Variants in LRTM3 observed in about 807,000 individuals in gnomAD.
LRTM3 encodes the protein leucine-rich repeat transmembrane protein 3.
At chr13:102,731,889 T>A in the LRTM3 span, 4 of 1,549,252 alleles carry the variant, frequency 2.6e-6, no homozygotes, top group East Asian at 4.9e-5. Flanking sequence ...CGTTTTAGAA[T>A]CTTTTCTTCC....
the LRTM3 span, chr13:102,729,396 G>T: frequency 7.6e-7 from 1 of 1,309,704 alleles, no homozygotes; most frequent in Non-Finnish European, 9.9e-7. Context: ...ATTTTTCACA[G>T]AATATCACAA....
At chr13:102,729,603 T>A in the LRTM3 span, 1 of 1,539,134 alleles carries the variant, frequency 6.5e-7, no homozygotes, top group Non-Finnish European at 8.8e-7. Flanking sequence ...GTCCAGCGAA[T>A]GGTTTTGGGT....
the LRTM3 span, chr13:102,731,179 ACT>A: frequency 6.4e-7 from 1 of 1,551,400 alleles, no homozygotes; most frequent in South Asian, 1.2e-5. Flanking sequence ...TTGTCTCCTC[ACT>A]GTCACTTGAA....
chr13:102,733,746 G>A, the LRTM3 span: 1 of 1,551,350 alleles, frequency 6.4e-7, no homozygotes, highest in Non-Finnish European at 8.7e-7. Flanking sequence ...AAAACTAACT[G>A]ATTCAAATCT....
At chr13:102,755,929 G>A in the LRTM3 span, among the ~76,000 whole-genome samples, 53,458 of 88,928 alleles carry the variant, frequency 0.6, 12,785 homozygotes, top group Non-Finnish European at 0.66. Context: ...GTGTGTGTGT[G>A]TGTATATATA....
the LRTM3 span, chr13:102,734,265 C>T: frequency 6.4e-7 from 1 of 1,551,372 alleles, no homozygotes; most frequent in Non-Finnish European, 8.7e-7. Flanking sequence ...CCACTCCTTG[C>T]CTCTGCATCT....
At chr13:102,739,209 G>C in the LRTM3 span, 38 of 1,549,998 alleles carry the variant, frequency 2.5e-5, no homozygotes, top group East Asian at 9.3e-4. Flanking sequence ...TTGCTCCGTT[G>C]TGGTTCTTTT....
the LRTM3 span, chr13:102,738,701 G>C: frequency 6.4e-7 from 1 of 1,550,668 alleles, no homozygotes; most frequent in East Asian, 2.4e-5. Context: ...TGAAAAAGAG[G>C]ATCTCATTTT....
At chr13:102,737,852 A>G in the LRTM3 span, 1 of 1,550,580 alleles carries the variant, frequency 6.4e-7, no homozygotes, top group Admixed American at 2.0e-5. Context: ...TCTTGTGTCC[A>G]ATATATAATG....
chr13:102,736,288 C>G, the LRTM3 span: 1 of 1,551,098 alleles, frequency 6.4e-7, no homozygotes, highest in South Asian at 1.2e-5. Flanking sequence ...TCATGCCCCA[C>G]TGTGGCTCCT....
At chr13:102,746,204 G>A in the LRTM3 span, 24 of 1,550,758 alleles carry the variant, frequency 1.5e-5, no homozygotes, top group South Asian at 2.7e-4. Flanking sequence ...GTTCAGCACT[G>A]GGTCTGATTC....
the LRTM3 span, chr13:102,758,472 T>C: frequency 6.5e-7 from 1 of 1,538,504 alleles, no homozygotes. Context: ...AATAAAAAAG[T>C]CACAGTATCA....
At chr13:102,734,439 G>A in the LRTM3 span, 1 of 1,551,330 alleles carries the variant, frequency 6.4e-7, no homozygotes, top group Non-Finnish European at 8.7e-7. Context: ...ATCATACCTG[G>A]TGGTTTATCT....
At chr13:102,748,249 T>C in the LRTM3 span, 1 of 1,551,226 alleles carries the variant, frequency 6.4e-7, no homozygotes, top group East Asian at 2.4e-5. Context: ...GTTCCTCACT[T>C]TCACGTAGGT....
chr13:102,736,620 T>A, the LRTM3 span: 1 of 1,551,068 alleles, frequency 6.4e-7, no homozygotes, highest in Non-Finnish European at 8.7e-7. Flanking sequence ...GGACAAGTTT[T>A]GCTCAGAAGT....
chr13:102,737,697 A>C, the LRTM3 span: 1 of 1,550,078 alleles, frequency 6.5e-7, no homozygotes, highest in South Asian at 1.2e-5. Flanking sequence ...TGTTGCATGT[A>C]ATCTTTTGCT....
At chr13:102,737,937 C>T in the LRTM3 span, 5 of 1,550,874 alleles carry the variant, frequency 3.2e-6, no homozygotes, top group Non-Finnish European at 4.4e-6. Context: ...TCCATTTTCC[C>T]TTGCTCTATG....
At chr13:102,739,694 GC>G in the LRTM3 span, 5 of 1,549,964 alleles carry the variant, frequency 3.2e-6, no homozygotes, top group Admixed American at 9.8e-5. Flanking sequence ...CATATCCATT[GC>G]TTTTACTCTA....
the LRTM3 span, chr13:102,749,011 TA>T: frequency 6.4e-7 from 1 of 1,550,852 alleles, no homozygotes; most frequent in Middle Eastern, 1.7e-4. Context: ...TGACTTTCAC[TA>T]GTTGTTTTCT....
Sources: gnomAD v4.1 joint callset for allele counts (sites outside exome capture counted in the v4.1 genomes callset) on GRCh38, gnomAD v4.1.1 for gene constraint, MANE v1.5 for transcripts, NCBI Gene and HGNC (gene_info 2026-07-23, HGNC 2026-07-21) for gene names.